Variants in ASTN2 observed in about 807,000 individuals in gnomAD.
ASTN2 encodes the protein astrotactin 2, also known as astrotactin-2.
ASTN2 carries 54 observed loss-of-function variants against 139.8 expected under a neutral mutation model. The ratio of observed to expected loss-of-function variants is 0.39; its 90% confidence interval spans 0.31 to 0.48. ASTN2 has a LOEUF of 0.48. Among genes scored for constraint, ASTN2 ranks in the 20% least tolerant of loss-of-function variants. The probability of loss-of-function intolerance (pLI) is 0.95; values close to 1 mark genes in which losing one functional copy is unlikely to be tolerated. For missense variants in ASTN2, 1,565 were observed against 1,725.1 expected, an observed-to-expected ratio of 0.91 and a Z score of 1.64; for synonymous variants, 756 against 719.5, an observed-to-expected ratio of 1.05 and a Z score of -0.81.
At chr9:117,159,263 C>A (rs1248805954) in intron 3 of ASTN2, among the ~76,000 whole-genome samples, 1 of 151,898 alleles carries the variant, frequency 6.6e-6, no homozygotes, top group Non-Finnish European at 1.5e-5. Context: ...AAAATCCCCC[C>A]TTCTTTGCAC....
At position 117,180,565 on chromosome 9, in the gene ASTN2, C is replaced by A. The variant is rs1182593917; in HGVS notation, c.1015+33793G>T. 9.5e-6 allele frequency: 7 copies of A among 738,506 alleles called. No individual in the cohort carries two copies. In the African/African-American group the frequency reaches 1.2e-4, roughly 13 times the overall value. The allele number at this position is 738,506 out of a possible 1,614,324, so 45.7% of individuals were successfully genotyped here. On this transcript the variant is annotated intron_variant, in intron 3 of 22. Transcript: ENST00000313400. Reference sequence around the variant, plus strand: ...TATCCATATTTCAGCACACTCACAGCAATCATTTATTGACTGCTTACTATG... The same window carrying A: ...TATCCATATTTCAGCACACTCACAGAAATCATTTATTGACTGCTTACTATG...
intron 2 of ASTN2, among the ~76,000 whole-genome samples, chr9:117,240,635 C>T (rs1833177044): frequency 6.6e-6 from 1 of 152,196 alleles, no homozygotes; most frequent in Non-Finnish European, 1.5e-5. Flanking sequence ...GACACTGGAG[C>T]TACCCCATAG....
chr9:117,016,634 A>AGT (rs1564385923), intron 6 of ASTN2, among the ~76,000 whole-genome samples: 1 of 19,916 alleles, frequency 5.0e-5, no homozygotes, highest in Non-Finnish European at 1.2e-4. Flanking sequence ...CTATATATAT[A>AGT]TATATATATA....
chr9:117,041,797 C>T (rs1281604502), intron 5 of ASTN2, among the ~76,000 whole-genome samples: 1 of 152,196 alleles, frequency 6.6e-6, no homozygotes, highest in African/African-American at 2.4e-5. Flanking sequence ...CACTCTTCAT[C>T]ATGTTAACAT....
chr9:116,987,372 C>G (rs1236663950), intron 7 of ASTN2, among the ~76,000 whole-genome samples: 1 of 152,244 alleles, frequency 6.6e-6, no homozygotes, highest in Non-Finnish European at 1.5e-5. Context: ...GGTGGCCAGG[C>G]TGCTGAGAGG....
intron 3 of ASTN2, among the ~76,000 whole-genome samples, chr9:117,166,715 G>A (rs986114634): frequency 1.3e-5 from 2 of 152,006 alleles, no homozygotes; most frequent in African/African-American, 4.8e-5. Context: ...TGCAGTAAGT[G>A]GATCCCTTTG....
chr9:116,450,105 T>C (rs967312651), intron 20 of ASTN2, among the ~76,000 whole-genome samples: 4 of 152,184 alleles, frequency 2.6e-5, no homozygotes, highest in African/African-American at 9.7e-5. Context: ...CTAACAAGCA[T>C]TGCAAGCAGG....
At chr9:116,552,112 G>A (rs778613079) in intron 19 of ASTN2, 3 of 152,052 alleles carry the variant, frequency 2.0e-5, no homozygotes, top group Non-Finnish European at 2.9e-5. Context: ...TCTTCTAGTA[G>A]CTCACAGAGA....
At chr9:117,048,089 G>A (rs1413668894) in intron 5 of ASTN2, among the ~76,000 whole-genome samples, 1 of 152,082 alleles carries the variant, frequency 6.6e-6, no homozygotes, top group Non-Finnish European at 1.5e-5. Context: ...TTGATGTCAG[G>A]GTCCAAGCTC....
At chr9:116,435,453 T>A (rs1045677133) in intron 22 of ASTN2, among the ~76,000 whole-genome samples, 5 of 152,244 alleles carry the variant, frequency 3.3e-5, no homozygotes, top group Non-Finnish European at 5.9e-5. Context: ...ACAAGAACCA[T>A]CATGATCTGT....
At chr9:117,095,925 T>A in intron 5 of ASTN2, 119 bp downstream of exon 5, 1 of 898,216 alleles carries the variant, frequency 1.1e-6, no homozygotes, top group Non-Finnish European at 1.8e-6. Context: ...TAAGCTCAGT[T>A]TTAACCAGAT....
chr9:117,008,357 G>A, intron 6 of ASTN2, 98 bp from the exon 7 acceptor site: 2 of 1,118,738 alleles, frequency 1.8e-6, no homozygotes, highest in Non-Finnish European at 2.5e-6. Context: ...ACGTTCCCCA[G>A]GTCATCTGAT....
chr9:116,680,412 C>G (rs1252161353), intron 16 of ASTN2, among the ~76,000 whole-genome samples: 1 of 152,122 alleles, frequency 6.6e-6, no homozygotes, highest in East Asian at 1.9e-4. Flanking sequence ...AGTCCAGGAC[C>G]AGATGGATTC....
At chr9:116,850,554 A>T (rs1832571552) in intron 11 of ASTN2, among the ~76,000 whole-genome samples, 1 of 152,156 alleles carries the variant, frequency 6.6e-6, no homozygotes. Context: ...TCCCTTTCTG[A>T]GTTGGCTTCC....
chr9:117,149,181 G>C (rs1215065207), intron 3 of ASTN2, among the ~76,000 whole-genome samples: 1 of 151,758 alleles, frequency 6.6e-6, no homozygotes, highest in Non-Finnish European at 1.5e-5. Flanking sequence ...CACCATGTCC[G>C]GCTAATTTTT....
intron 10 of ASTN2, among the ~76,000 whole-genome samples, chr9:116,872,362 A>G (rs1299131555): frequency 6.6e-6 from 1 of 152,232 alleles, no homozygotes; most frequent in Non-Finnish European, 1.5e-5. Flanking sequence ...ACAGCTGGTA[A>G]TAAGTGGTAT....
At chr9:116,492,469 G>T (rs1225789515) in intron 19 of ASTN2, among the ~76,000 whole-genome samples, 1 of 152,080 alleles carries the variant, frequency 6.6e-6, no homozygotes, top group Non-Finnish European at 1.5e-5. Flanking sequence ...CTTTTTACAG[G>T]TGACAAAACT....
At chr9:116,530,383 T>G (rs1851292999) in intron 19 of ASTN2, among the ~76,000 whole-genome samples, 1 of 151,266 alleles carries the variant, frequency 6.6e-6, no homozygotes, top group Non-Finnish European at 1.5e-5. Context: ...ACACAAAATT[T>G]TAGTTAGGAA....
At chr9:116,787,173 A>C (rs1260199386) in intron 13 of ASTN2, among the ~76,000 whole-genome samples, 2 of 152,194 alleles carry the variant, frequency 1.3e-5, no homozygotes, top group Non-Finnish European at 2.9e-5. Context: ...AAGCGGAGCT[A>C]AGGAGATGGA....
Sources: gnomAD v4.1 joint callset for allele counts (sites outside exome capture counted in the v4.1 genomes callset) on GRCh38, gnomAD v4.1.1 for gene constraint, MANE v1.5 for transcripts, NCBI Gene and HGNC (gene_info 2026-07-23, HGNC 2026-07-21) for gene names.